The following EPC2 variants were observed in gnomAD, a reference collection of about 807,000 sequenced individuals.
EPC2 encodes enhancer of polycomb 2, also known as enhancer of polycomb homolog 2.
In EPC2, 14 loss-of-function variants were observed where a neutral mutation model predicts 92.1. The observed-to-expected ratio is 0.15, with a 90% CI of 0.10 to 0.24. EPC2 has a LOEUF of 0.24. EPC2 is among the 10% of genes least tolerant of loss of function. EPC2 has a pLI of 1.00. For missense variants in EPC2, 755 were observed against 971.5 expected (o/e 0.78, Z 2.96); for synonymous variants, 340 against 334.7 (o/e 1.02, Z -0.17).
chr2:148,696,661 A>G (rs1681752043), intron 2 of EPC2, among the ~76,000 whole-genome samples: 1 of 152,240 alleles, frequency 6.6e-6, no homozygotes, highest in South Asian at 2.1e-4. Context: ...GGCCTCCCAA[A>G]GAAGATACCC....
chr2:148,654,073 A>G (rs1680740395), intron 1 of EPC2, among the ~76,000 whole-genome samples: 2 of 149,944 alleles, frequency 1.3e-5, no homozygotes, highest in Admixed American at 1.3e-4. Flanking sequence ...TCAGCTTCCC[A>G]AGTAGCTTGG....
Position 148,747,836 on chromosome 2 carries a change from T to C in EPC2, c.459+4069T>C, listed in dbSNP as rs550414460. ...ATTTATCTTAAGCTGCTAGTAGTTT[T>C]TTGCTGGTTCCCAAATGCTCCAGAG... On this transcript the variant is annotated intron_variant, in intron 3 of 13. Coordinates refer to ENST00000258484, the MANE Select transcript of EPC2 (RefSeq NM_015630.4). 2.0e-5 allele frequency among the ~76,000 whole-genome samples: 3 copies of C among 152,208 alleles called. No individual in the cohort carries two copies. The South Asian group carries it at 6.2e-4, about 32-fold the overall frequency.
chr2:148,706,863 A>T (rs1184723728), intron 2 of EPC2, among the ~76,000 whole-genome samples: 1 of 152,222 alleles, frequency 6.6e-6, no homozygotes, highest in Non-Finnish European at 1.5e-5. Context: ...AAACATGGAA[A>T]GGAACAACCG....
intron 2 of EPC2, among the ~76,000 whole-genome samples, chr2:148,714,582 T>C (rs1383467815): frequency 4.6e-5 from 7 of 152,168 alleles, no homozygotes; most frequent in Non-Finnish European, 8.8e-5. Flanking sequence ...CTGTTGTTTT[T>C]TGACTTTTTA....
rs1409293701 is a variant in EPC2 at position 148,786,288 on chromosome 2, T to A, written c.2352-17T>A. 6.3e-7 allele frequency: 1 copy of A among 1,598,076 alleles called. No individual in the cohort carries two copies. The highest frequency in any genetic ancestry group is 8.6e-7 in the Non-Finnish European group (1 of 1,168,126). On this transcript the variant is annotated splice_polypyrimidine_tract_variant and intron_variant, in intron 13 of 13. Coordinates refer to ENST00000258484, the MANE Select transcript of EPC2 (RefSeq NM_015630.4). ...AGAGTATTGATATTTATTTTATCCTTTGCCTTATTACCATAGAGAGAACCA... is the reference window on the plus strand; with the variant it reads ...AGAGTATTGATATTTATTTTATCCTATGCCTTATTACCATAGAGAGAACCA...
At chr2:148,715,128 G>C (rs1411361644) in intron 2 of EPC2, among the ~76,000 whole-genome samples, 1 of 149,336 alleles carries the variant, frequency 6.7e-6, no homozygotes, top group Admixed American at 6.7e-5. Context: ...CCGCCTCCCA[G>C]GTTCACACCA....
intron 10 of EPC2, among the ~76,000 whole-genome samples, chr2:148,780,121 T>C (rs1329086518): frequency 6.6e-6 from 1 of 152,210 alleles, no homozygotes; most frequent in African/African-American, 2.4e-5. Context: ...AAGAAAGACA[T>C]TTGATTTTGT....
At chr2:148,771,618 TC>T (rs137980480) in intron 10 of EPC2, among the ~76,000 whole-genome samples, 3,825 of 152,250 alleles carry the variant, frequency 0.025, 56 homozygotes, top group East Asian at 0.032. Flanking sequence ...CATACAGAGT[TC>T]CCTGTGGCCA....
At chr2:148,706,116 C>T (rs569152812) in intron 2 of EPC2, among the ~76,000 whole-genome samples, 85 of 152,160 alleles carry the variant, frequency 5.6e-4, no homozygotes, top group Non-Finnish European at 1.0e-3. Context: ...AATGATTAGA[C>T]GAATGGCTAA....
At chr2:148,666,423 C>T (rs1401953659) in intron 1 of EPC2, among the ~76,000 whole-genome samples, 1 of 152,184 alleles carries the variant, frequency 6.6e-6, no homozygotes, top group Non-Finnish European at 1.5e-5. Context: ...GGATTACGGG[C>T]ATGGGCCACT....
At position 148,652,522 on chromosome 2, in the gene EPC2, A is replaced by C. The variant is rs1574561228; in HGVS notation, c.153+7352A>C. Among the ~76,000 whole-genome samples the C allele has an allele frequency of 2.0e-5, 3 of 152,210 alleles. No homozygotes were observed. The South Asian group carries it at 6.2e-4, about 31-fold the overall frequency. ...TTGTTTGACCGCGTAGAAATTATTT[A>C]ACCTTCCTGGCCCTTAGTTTTCTCA... On this transcript the variant is annotated intron_variant, in intron 1 of 13. Coordinates refer to ENST00000258484, the MANE Select transcript of EPC2 (RefSeq NM_015630.4).
At chr2:148,690,407 CTTTAAA>C (rs1232891842) in intron 2 of EPC2, 34 bp downstream of exon 2, 1 of 1,533,116 alleles carries the variant, frequency 6.5e-7, no homozygotes, top group East Asian at 2.3e-5. Flanking sequence ...TCTGTTTGTA[CTTTAAA>C]TTTATCAACC....
At chr2:148,769,046 A>G (rs1227403288) in intron 7 of EPC2, 105 bp from the exon 8 acceptor site, 1 of 770,024 alleles carries the variant, frequency 1.3e-6, no homozygotes, top group East Asian at 2.8e-5. Context: ...GATATGTAAT[A>G]TAGAAGTGAT....
intron 2 of EPC2, among the ~76,000 whole-genome samples, chr2:148,725,764 C>T (rs77094189): frequency 0.026 from 3,925 of 152,160 alleles, 59 homozygotes; most frequent in East Asian, 0.032. Context: ...CTTGTTTCCT[C>T]ATGACATGAT....
chr2:148,664,062 A>G (rs1681010956), intron 1 of EPC2, among the ~76,000 whole-genome samples: 1 of 152,130 alleles, frequency 6.6e-6, no homozygotes. Context: ...CTACTACCCA[A>G]TTCCCCAAAA....
intron 1 of EPC2, among the ~76,000 whole-genome samples, chr2:148,668,527 C>T (rs894165437): frequency 6.6e-6 from 1 of 152,080 alleles, no homozygotes; most frequent in Non-Finnish European, 1.5e-5. Context: ...TTGTTTTTCT[C>T]CTTAAATATT....
chr2:148,645,444 T>C, intron 1 of EPC2: 2 of 404,952 alleles, frequency 4.9e-6, no homozygotes, highest in Non-Finnish European at 4.5e-6. Context: ...CGGCCGGGAA[T>C]GGCGCAGGGG....
chr2:148,742,453 A>G (rs1298267757), intron 2 of EPC2, among the ~76,000 whole-genome samples: 1 of 149,050 alleles, frequency 6.7e-6, no homozygotes, highest in African/African-American at 2.4e-5. Context: ...TTTAAAAGTC[A>G]TTGACATTTA....
chr2:148,730,222 CT>C (rs1485430387), intron 2 of EPC2, among the ~76,000 whole-genome samples: 1 of 152,064 alleles, frequency 6.6e-6, no homozygotes, highest in Non-Finnish European at 1.5e-5. Context: ...CATTCAGGGT[CT>C]TTTAGTACAT....
Sources: gnomAD v4.1 joint callset for allele counts (sites outside exome capture counted in the v4.1 genomes callset) on GRCh38, gnomAD v4.1.1 for gene constraint, MANE v1.5 for transcripts, NCBI Gene and HGNC (gene_info 2026-07-23, HGNC 2026-07-21) for gene names.